DMD: variants seen among roughly 807,000 people sequenced by gnomAD.
The protein encoded by DMD is dystrophin.
A neutral mutation model predicts 330.1 loss-of-function variants in DMD; 63 were observed. That is an observed-to-expected ratio of 0.19 (90% confidence interval 0.16 to 0.24). DMD has a LOEUF of 0.24. Among genes scored for constraint, DMD ranks in the 10% least tolerant of loss-of-function variants. The probability of loss-of-function intolerance (pLI) is 1.00; values close to 1 mark genes in which losing one functional copy is unlikely to be tolerated. For synonymous variants in DMD, 1,223 were observed against 959.8 expected (o/e 1.27, Z -5.07); for missense variants, 3,344 against 2,684.1 (o/e 1.25, Z -5.43).
chrX:32,146,816 A>G (rs1177146558), intron 44 of DMD, among the ~76,000 whole-genome samples: 1 of 112,067 alleles, frequency 8.9e-6, no homozygotes, highest in Non-Finnish European at 1.9e-5. Flanking sequence ...TAAGACACTT[A>G]CTGCTCTCCC....
At chrX:32,957,387 C>G in intron 2 of DMD, among the ~76,000 whole-genome samples, 2 of 111,585 alleles carry the variant, frequency 1.8e-5, no homozygotes, top group Non-Finnish European at 3.8e-5. Context: ...GCAAAGTATA[C>G]ATAGTCTACA....
At chrX:32,164,728 T>A (rs948857102) in intron 44 of DMD, among the ~76,000 whole-genome samples, 2 of 111,073 alleles carry the variant, frequency 1.8e-5, no homozygotes, top group East Asian at 2.9e-4. Flanking sequence ...GTCAGAGACC[T>A]TCATTGCGGC....
chrX:33,071,437 A>T (rs2094755362), intron 1 of DMD, among the ~76,000 whole-genome samples: 1 of 108,854 alleles, frequency 9.2e-6, no homozygotes, highest in Admixed American at 9.9e-5. Context: ...AAAAAAAAAA[A>T]AAAAAGGATA....
At chrX:32,019,215 G>A (rs769610736) in intron 44 of DMD, among the ~76,000 whole-genome samples, 1 of 108,410 alleles carries the variant, frequency 9.2e-6, no homozygotes. Context: ...ACTTGAACAC[G>A]CATCAAATTG....
At chrX:32,071,434 C>T (rs924113520) in intron 44 of DMD, among the ~76,000 whole-genome samples, 51 of 101,183 alleles carry the variant, frequency 5.0e-4, no homozygotes, top group Non-Finnish European at 7.7e-4. Flanking sequence ...CGCATGTTCT[C>T]GCTCATAGGT....
intron 1 of DMD, among the ~76,000 whole-genome samples, chrX:33,050,562 T>A (rs770707476): frequency 1.8e-5 from 2 of 111,680 alleles, no homozygotes; most frequent in African/African-American, 3.3e-5. Flanking sequence ...AACCAATCAA[T>A]CTCTAGCCTC....
chrX:31,892,453 C>T (rs1282218379), intron 47 of DMD, among the ~76,000 whole-genome samples: 3 of 109,006 alleles, frequency 2.8e-5, no homozygotes, highest in African/African-American at 1.0e-4. Context: ...TATTGGATTC[C>T]GAAGGCATAG....
chrX:32,683,482 T>C (rs892181795), intron 9 of DMD, among the ~76,000 whole-genome samples: 1 of 109,014 alleles, frequency 9.2e-6, no homozygotes, highest in Non-Finnish European at 1.9e-5. Context: ...GATGAGTTCA[T>C]GTCCTTTGTA....
intron 41 of DMD, among the ~76,000 whole-genome samples, chrX:32,322,493 T>C (rs2097622952): frequency 9.1e-6 from 1 of 110,477 alleles, no homozygotes; most frequent in East Asian, 2.9e-4. Flanking sequence ...AGCCTAGGAG[T>C]TGGTGGCTGC....
At chrX:33,047,795 C>T (rs2094403647) in intron 1 of DMD, among the ~76,000 whole-genome samples, 1 of 111,759 alleles carries the variant, frequency 8.9e-6, no homozygotes, top group Non-Finnish European at 1.9e-5. Flanking sequence ...CCTGCTTCTC[C>T]TGCACTCTTA....
chrX:31,173,524 C>G lies in DMD; in HGVS notation c.10328+15G>C, dbSNP rs2040212939. The G allele has an allele frequency of 1.7e-6, 2 of 1,202,977 alleles. No homozygotes were observed. Among genetic ancestry groups the G allele is most frequent in the African/African-American group, 3.5e-5 (2 of 57,136 alleles). ...TTTCAATCAATATTTGCCTGGCATA[C>G]AACTAGTCTCATACCTGCTAGCATA... On this transcript the variant is annotated intron_variant, in intron 72 of 78. Coordinates refer to ENST00000357033, the MANE Select transcript of DMD (RefSeq NM_004006.3).
intron 2 of DMD, among the ~76,000 whole-genome samples, chrX:32,872,744 G>A (rs1235230975): frequency 1.8e-5 from 2 of 111,809 alleles, no homozygotes; most frequent in African/African-American, 6.5e-5. Flanking sequence ...TGAAGTTAGT[G>A]GGCAAAGAAG....
chrX:32,859,674 G>A, intron 2 of DMD, among the ~76,000 whole-genome samples: 1 of 111,311 alleles, frequency 9.0e-6, no homozygotes, highest in Non-Finnish European at 1.9e-5. Context: ...ATGGTACAGA[G>A]GATGCACTTA....
chrX:32,242,746 C>T (rs1365451297), intron 43 of DMD, among the ~76,000 whole-genome samples: 1 of 110,662 alleles, frequency 9.0e-6, no homozygotes, highest in Non-Finnish European at 1.9e-5. Flanking sequence ...GTTGGATTCT[C>T]TTATCATCAA....
chrX:31,911,912 T>C (rs1323579533), intron 47 of DMD, among the ~76,000 whole-genome samples: 1 of 111,917 alleles, frequency 8.9e-6, no homozygotes, highest in Non-Finnish European at 1.9e-5. Flanking sequence ...ACTCGATAAG[T>C]GGGTGCCTCA....
intron 6 of DMD, among the ~76,000 whole-genome samples, chrX:32,813,843 C>A (rs1011995390): frequency 2.7e-5 from 3 of 111,268 alleles, no homozygotes; most frequent in Non-Finnish European, 5.7e-5. Flanking sequence ...ATACTCATAC[C>A]ATTTAATGTA....
At chrX:32,927,363 C>CTT (rs536073565) in intron 2 of DMD, among the ~76,000 whole-genome samples, 17 of 56,943 alleles carry the variant, frequency 3.0e-4, no homozygotes, top group Non-Finnish European at 4.4e-4. Context: ...TTCTTTCTTT[C>CTT]TTTTTTTTTT....
At chrX:32,513,866 A>G (rs2045582936) in intron 18 of DMD, among the ~76,000 whole-genome samples, 1 of 111,572 alleles carries the variant, frequency 9.0e-6, no homozygotes, top group South Asian at 3.8e-4. Context: ...GAAAAACTGA[A>G]TTGGAACAAA....
upstream of DMD, among the ~76,000 whole-genome samples, chrX:33,216,518 T>C (rs2052058894): frequency 1.8e-5 from 2 of 111,101 alleles, no homozygotes; most frequent in African/African-American, 6.6e-5. Flanking sequence ...CCTGGGTGAC[T>C]GGATCATCAG....
Sources: gnomAD v4.1 joint callset for allele counts (sites outside exome capture counted in the v4.1 genomes callset) on GRCh38, gnomAD v4.1.1 for gene constraint, MANE v1.5 for transcripts, NCBI Gene and HGNC (gene_info 2026-07-23, HGNC 2026-07-21) for gene names.